THRA: variants seen among roughly 807,000 people sequenced by gnomAD.
THRA encodes thyroid hormone receptor alpha.
A neutral mutation model predicts 45.0 loss-of-function variants in THRA; 13 were observed. The observed-to-expected ratio is 0.29, with a 90% CI of 0.19 to 0.46. The LOEUF (loss-of-function observed/expected upper bound fraction) is 0.46. Ranked by LOEUF, THRA falls within the 20% of genes least tolerant of loss-of-function variation. The probability of loss-of-function intolerance (pLI) is 1.00; values close to 1 mark genes in which losing one functional copy is unlikely to be tolerated. For synonymous variants in THRA, 195 were observed against 214.0 expected (o/e 0.91, Z 0.78); for missense variants, 278 against 556.1 (o/e 0.50, Z 5.03).
chr17:40,084,534 A>G, intron 5 of THRA, 76 bp from the exon 6 acceptor site: 1 of 1,530,022 alleles, frequency 6.5e-7, no homozygotes, highest in Non-Finnish European at 9.0e-7. Flanking sequence ...TACTCTAGGA[A>G]GAGTAGTTTC....
At chr17:40,069,489 C>G (rs1174697952) in intron 1 of THRA, among the ~76,000 whole-genome samples, 1 of 151,882 alleles carries the variant, frequency 6.6e-6, no homozygotes, top group Non-Finnish European at 1.5e-5. Flanking sequence ...GGACCCCAAG[C>G]CTTGTGCCCA....
At position 40,089,458 on chromosome 17, in the gene THRA, G is replaced by GCCTCAGGCGGCC; in HGVS notation, c.*3_*14dup. 6.2e-7 allele frequency: 1 copy of GCCTCAGGCGGCC among 1,613,846 alleles called. No individual in the cohort carries two copies. The highest frequency in any genetic ancestry group is 8.5e-7 in the Non-Finnish European group (1 of 1,179,890). On this transcript the variant is annotated 3_prime_UTR_variant, in exon 9 of 9. Transcript: ENST00000450525. This position sits in a 1 kb window ranked among gnomAD's most constrained non-coding sequence, Gnocchi z 6.1. ...GTCTTTGAGGATCAGGAAGTCTAAA[G>GCCTCAGGCGGCC]CCTCAGGCGGCCAGAGGGTGTGCGG...
In THRA at chr17:40,063,041, G is replaced by GCGCTGAGACCCCCGCGT. The variant is rs1365641147; in HGVS notation, c.-343_-327dup. 6.6e-6 allele frequency: 1 copy of GCGCTGAGACCCCCGCGT among 151,822 alleles called. No individual in the cohort carries two copies. The highest frequency in any genetic ancestry group is 2.4e-5 in the African/African-American group (1 of 41,382). 9.4% of individuals were successfully genotyped at this position (151,822 alleles called of 1,614,324 possible). ...CCCCCATGGACGCCCCCAGCACGGG[G>GCGCTGAGACCCCCGCGT]CGCTGAGACCCCCGCGTCGCTGCCC... On this transcript the variant is annotated 5_prime_UTR_variant, in exon 1 of 9. Transcript: ENST00000450525.
chr17:40,087,119 C>A, intron 7 of THRA: 1 of 451,720 alleles, frequency 2.2e-6, no homozygotes, highest in African/African-American at 2.0e-5. Flanking sequence ...CACACATACA[C>A]CCAGCACACA....
At chr17:40,086,580 C>A in intron 6 of THRA, 127 bp from the exon 7 acceptor site, 1 of 1,206,568 alleles carries the variant, frequency 8.3e-7, no homozygotes, top group East Asian at 2.5e-5. Context: ...AGCTTTGGGC[C>A]TGGGACTCAG....
chr17:40,089,542 CCA>C lies in THRA; in HGVS notation c.*90_*91del, dbSNP rs1432352022. ...GAGCTGGGGGCTGAGGGAGACCCCC[CCA>C]CACCCCTTCTCTCCTTCCTCTCGTC... On this transcript the variant is annotated 3_prime_UTR_variant, in exon 9 of 9. Coordinates refer to ENST00000450525, the MANE Select transcript of THRA (RefSeq NM_199334.5). This position sits in a 1 kb window ranked among gnomAD's most constrained non-coding sequence, Gnocchi z 6.1. 1.3e-6 allele frequency: 2 copies of C among 1,523,970 alleles called. No homozygotes were observed. Among genetic ancestry groups the C allele is most frequent in the Middle Eastern group, 2.1e-4 (1 of 4,744 alleles). The allele number at this position is 1,523,970 out of a possible 1,614,324, so 94.4% of individuals were successfully genotyped here. A position where few individuals can be genotyped will look rare whatever the true frequency, so the allele number is the denominator to read the frequency against.
intron 1 of THRA, among the ~76,000 whole-genome samples, chr17:40,066,054 G>T (rs1228952500): frequency 2.0e-5 from 3 of 152,212 alleles, no homozygotes; most frequent in Non-Finnish European, 4.4e-5. Flanking sequence ...ATGCCCAACA[G>T]CTGTGTCCTT....
intron 4 of THRA, among the ~76,000 whole-genome samples, chr17:40,078,478 C>T: frequency 6.6e-6 from 1 of 152,116 alleles, no homozygotes; most frequent in East Asian, 1.9e-4. Flanking sequence ...AAGATTCTGT[C>T]TCAAAGTAAA....
intron 2 of THRA, among the ~76,000 whole-genome samples, chr17:40,074,946 C>T (rs1986898826): frequency 1.3e-5 from 2 of 152,224 alleles, no homozygotes; most frequent in South Asian, 2.1e-4. Flanking sequence ...CCACAAGCTG[C>T]GGTTCACGTA....
At chr17:40,070,411 G>C (rs1986733268) in intron 1 of THRA, among the ~76,000 whole-genome samples, 1 of 152,188 alleles carries the variant, frequency 6.6e-6, no homozygotes, top group Non-Finnish European at 1.5e-5. Context: ...AGGACAGGGA[G>C]TCCCGGTCCT....
chr17:40,085,715 C>T (rs1987299583), intron 6 of THRA, among the ~76,000 whole-genome samples: 1 of 151,492 alleles, frequency 6.6e-6, no homozygotes, highest in Admixed American at 6.6e-5. Flanking sequence ...ACAGTCTTGG[C>T]TCACCGCAAC....
rs1555545359 is a variant in THRA, at chr17:40,091,264, A to ACACACG, written c.*1813_*1814insGCACAC. ...CACACACACACACACACACACACAC[A>ACACACG]CACACACGGACATGCACACACGGAC... On this transcript the variant is annotated 3_prime_UTR_variant, in exon 9 of 9. Coordinates refer to ENST00000450525, the MANE Select transcript of THRA (RefSeq NM_199334.5). 35 of 155,604 alleles carry ACACACG rather than the reference A, an allele frequency of 2.2e-4. No homozygotes were observed. The highest frequency in any genetic ancestry group is 8.3e-4 in the African/African-American group (34 of 40,852). 9.6% of individuals were successfully genotyped at this position (155,604 alleles called of 1,614,324 possible).
chr17:40,081,002 G>T (rs925235942), intron 4 of THRA, among the ~76,000 whole-genome samples: 2 of 152,040 alleles, frequency 1.3e-5, no homozygotes, highest in African/African-American at 4.8e-5. Context: ...GATTACAGGC[G>T]TGAGCCACCG....
At chr17:40,066,712 C>G (rs1986586846) in intron 1 of THRA, among the ~76,000 whole-genome samples, 1 of 149,454 alleles carries the variant, frequency 6.7e-6, no homozygotes, top group African/African-American at 2.5e-5. Flanking sequence ...AAGGCATTAT[C>G]TATCAAGCAG....
intron 7 of THRA, 107 bp downstream of exon 7, chr17:40,086,960 C>T: frequency 6.8e-7 from 1 of 1,474,300 alleles, no homozygotes; most frequent in Non-Finnish European, 9.3e-7. Context: ...AGGAGCAATT[C>T]CTGTAGGTCA....
intron 1 of THRA, among the ~76,000 whole-genome samples, chr17:40,067,863 T>G (rs1986627001): frequency 6.6e-6 from 1 of 151,996 alleles, no homozygotes; most frequent in African/African-American, 2.4e-5. Context: ...AAAAACAACT[T>G]TAAAAAGTTA....
chr17:40,083,819 A>G lies in THRA; in HGVS notation c.223-16A>G, dbSNP rs1475983841. 3.2e-6 allele frequency: 5 copies of G among 1,585,678 alleles called. No homozygotes were observed. In the South Asian group the frequency reaches 5.8e-5, roughly 18 times the overall value. ...CCATGTCATGATCACAGCCTGCTCC[A>G]TCTCCCCCACCCCAGGGCTTCTTTC... On this transcript the variant is annotated splice_polypyrimidine_tract_variant and intron_variant, in intron 4 of 8. Transcript: ENST00000450525.
chr17:40,082,676 G>A (rs189302358), intron 4 of THRA, among the ~76,000 whole-genome samples: 3 of 149,878 alleles, frequency 2.0e-5, no homozygotes, highest in African/African-American at 7.4e-5. Context: ...GGTGGACCCC[G>A]CCGTGGTTCC....
chr17:40,093,118 C>T (rs1213631051), downstream of THRA: 5 of 1,613,992 alleles, frequency 3.1e-6, no homozygotes, highest in Non-Finnish European at 4.2e-6. This position sits in a 1 kb window ranked among gnomAD's most constrained non-coding sequence, Gnocchi z 5.9. Context: ...AGCAGCTTCT[C>T]GGAATGCATG....
Sources: allele counts gnomAD v4.1 joint callset (sites outside exome capture counted in the v4.1 genomes callset), GRCh38; gene constraint gnomAD v4.1.1; non-coding constraint Gnocchi (gnomAD v3.1); transcripts MANE v1.5; gene names NCBI Gene and HGNC (gene_info 2026-07-23, HGNC 2026-07-21).